The following VPS13B variants were observed in gnomAD, a reference collection of about 807,000 sequenced individuals.
VPS13B encodes the protein vacuolar protein sorting 13 homolog B, also known as intermembrane lipid transfer protein VPS13B.
A neutral mutation model predicts 426.4 loss-of-function variants in VPS13B; 285 were observed. That is an observed-to-expected ratio of 0.67 (90% CI 0.61 to 0.74). The LOEUF is 0.74. Among genes scored for constraint, VPS13B ranks in the 30% least tolerant of loss-of-function variants. VPS13B has a pLI of 0.00. For synonymous variants in VPS13B, 1,676 were observed against 1,676.4 expected, an observed-to-expected ratio of 1.00 and a Z score of 0.01; for missense variants, 4,537 against 4,782.6, an observed-to-expected ratio of 0.95 and a Z score of 1.51.
At chr8:99,298,248 C>T (rs758420570) in intron 19 of VPS13B, among the ~76,000 whole-genome samples, 2 of 152,082 alleles carry the variant, frequency 1.3e-5, no homozygotes, top group Admixed American at 6.6e-5. Flanking sequence ...CAGCACTTTG[C>T]GAGGCCGAGG....
chr8:99,714,155 A>AG (rs1378877498), intron 36 of VPS13B, among the ~76,000 whole-genome samples: 3 of 151,824 alleles, frequency 2.0e-5, no homozygotes, highest in Admixed American at 6.6e-5. Flanking sequence ...AAAAAAAAAA[A>AG]AAGACAGGCA....
intron 19 of VPS13B, among the ~76,000 whole-genome samples, chr8:99,353,938 A>G (rs1233814369): frequency 6.6e-6 from 1 of 152,156 alleles, no homozygotes; most frequent in Non-Finnish European, 1.5e-5. Context: ...GCTTTATGGT[A>G]TATAAATGTG....
intron 19 of VPS13B, among the ~76,000 whole-genome samples, chr8:99,343,187 A>G (rs541097091): frequency 6.0e-5 from 9 of 150,336 alleles, no homozygotes; most frequent in Non-Finnish European, 1.3e-4. Context: ...TCCGCCTCCC[A>G]GGTTCAAGTG....
intron 19 of VPS13B, among the ~76,000 whole-genome samples, chr8:99,279,543 G>C (rs968605570): frequency 6.6e-6 from 1 of 152,024 alleles, no homozygotes; most frequent in African/African-American, 2.4e-5. Flanking sequence ...TTACAGGCAT[G>C]AGCCACTGTG....
chr8:99,252,041 C>A (rs1305166757), intron 17 of VPS13B, among the ~76,000 whole-genome samples: 1 of 151,044 alleles, frequency 6.6e-6, no homozygotes, highest in Non-Finnish European at 1.5e-5. Context: ...AATATAATTT[C>A]TTTATTTTTT....
chr8:99,310,762 G>A (rs982154218), intron 19 of VPS13B, among the ~76,000 whole-genome samples: 4 of 152,122 alleles, frequency 2.6e-5, no homozygotes, highest in Non-Finnish European at 4.4e-5. Flanking sequence ...AGAAGGAATG[G>A]TACCAGCTCC....
rs565892299 is a variant in VPS13B, at chr8:99,556,004, G to A, written c.4746-446G>A. 2.0e-5 allele frequency among the ~76,000 whole-genome samples: 3 copies of A among 152,208 alleles called. No homozygotes were observed. The East Asian group carries it at 5.8e-4, about 29-fold the overall frequency. On this transcript the variant is annotated intron_variant, in intron 30 of 61. Coordinates refer to ENST00000357162, the MANE Select transcript of VPS13B (RefSeq NM_152564.5). ...GACGATTAGCAAGGGAAAGGGTTTT[G>A]AGTAAAAAACAAAAAACAAACAAAC...
At chr8:99,701,965 A>C (rs527725807) in intron 36 of VPS13B, among the ~76,000 whole-genome samples, 3 of 152,140 alleles carry the variant, frequency 2.0e-5, no homozygotes, top group African/African-American at 4.8e-5. Flanking sequence ...TATTTTTTTC[A>C]AAAAAATTGA....
At chr8:99,553,913 A>G (rs564854865) in intron 30 of VPS13B, among the ~76,000 whole-genome samples, 2 of 152,202 alleles carry the variant, frequency 1.3e-5, no homozygotes, top group East Asian at 1.9e-4. Context: ...GAAAATTACC[A>G]TTTTTGGAAG....
In VPS13B at chr8:99,085,913, A is replaced by C. The variant is rs767487809; in HGVS notation, c.292-10399A>C. 2.5e-4 allele frequency among the ~76,000 whole-genome samples: 38 copies of C among 152,104 alleles called. 1 individual carries two copies. The highest frequency in any genetic ancestry group is 4.0e-4 in the Non-Finnish European group (27 of 68,038). ...CTTCATTTCAACTTTGGTGAATGTG[A>C]CAATTATGTGTCTTGGAGCAACAAT... On this transcript the variant is annotated intron_variant, in intron 3 of 61. Coordinates refer to ENST00000357162, the MANE Select transcript of VPS13B (RefSeq NM_152564.5).
intron 16 of VPS13B, among the ~76,000 whole-genome samples, chr8:99,187,417 A>G (rs945115701): frequency 1.3e-5 from 2 of 152,154 alleles, no homozygotes; most frequent in African/African-American, 4.8e-5. Flanking sequence ...ATTGAGTCAT[A>G]TTTGTTTATC....
chr8:99,519,875 C>T (rs957525420), intron 29 of VPS13B, among the ~76,000 whole-genome samples: 13 of 151,980 alleles, frequency 8.6e-5, no homozygotes, highest in Non-Finnish European at 1.5e-4. Flanking sequence ...GGGTGCAGCA[C>T]ATCAACATGG....
chr8:99,362,460 T>G (rs1285514152), intron 19 of VPS13B, among the ~76,000 whole-genome samples: 2 of 152,136 alleles, frequency 1.3e-5, no homozygotes, highest in African/African-American at 4.8e-5. Flanking sequence ...CTTTATGCCT[T>G]TAGTTTCATT....
chr8:99,448,121 T>TTTTATTTATATA (rs1818017044), intron 23 of VPS13B, among the ~76,000 whole-genome samples: 1 of 141,788 alleles, frequency 7.1e-6, no homozygotes, highest in Non-Finnish European at 1.5e-5. Context: ...GTGGTTTTAT[T>TTTTATTTATATA]TTTATTTATT....
At chr8:99,177,472 A>G (rs766119244) in intron 16 of VPS13B, among the ~76,000 whole-genome samples, 29 of 152,198 alleles carry the variant, frequency 1.9e-4, no homozygotes, top group Non-Finnish European at 3.2e-4. Flanking sequence ...AATTATAGGT[A>G]AATAGTATGT....
intron 30 of VPS13B, among the ~76,000 whole-genome samples, chr8:99,533,141 G>T (rs907094229): frequency 6.6e-6 from 1 of 151,976 alleles, no homozygotes; most frequent in Admixed American, 6.6e-5. Context: ...GTTTTACCAT[G>T]TTGGCCAAGC....
At chr8:99,680,884 G>A (rs1320090463) in intron 35 of VPS13B, among the ~76,000 whole-genome samples, 1 of 151,948 alleles carries the variant, frequency 6.6e-6, no homozygotes, top group African/African-American at 2.4e-5. Flanking sequence ...GAATAAAACT[G>A]TCCTAGTCCA....
At chr8:99,516,680 C>A (rs1453313562) in intron 29 of VPS13B, among the ~76,000 whole-genome samples, 2 of 147,374 alleles carry the variant, frequency 1.4e-5, no homozygotes, top group East Asian at 4.1e-4. Flanking sequence ...CCCAGCTACT[C>A]AGGAGGCTGA....
intron 39 of VPS13B, among the ~76,000 whole-genome samples, chr8:99,749,122 G>A (rs963436497): frequency 2.0e-5 from 3 of 151,894 alleles, no homozygotes; most frequent in East Asian, 1.9e-4. Context: ...CATAGTAGAT[G>A]TATATATTTA....
Sources: allele counts gnomAD v4.1 joint callset (sites outside exome capture counted in the v4.1 genomes callset), GRCh38; gene constraint gnomAD v4.1.1; transcripts MANE v1.5; gene names NCBI Gene and HGNC (gene_info 2026-07-23, HGNC 2026-07-21).